CDH4: variants seen among roughly 807,000 people sequenced by gnomAD.
CDH4 encodes the protein cadherin-4.
In CDH4, 33 loss-of-function variants were observed where a neutral mutation model predicts 86.0. The ratio of observed to expected loss-of-function variants is 0.38; its 90% CI spans 0.29 to 0.51. CDH4 has a LOEUF of 0.51. CDH4 is among the 20% of genes least tolerant of loss of function. CDH4 has a pLI of 0.86. For synonymous variants in CDH4, 555 were observed against 549.4 expected, an observed-to-expected ratio of 1.01 and a Z score of -0.14; for missense variants, 1,114 against 1,307.4, an observed-to-expected ratio of 0.85 and a Z score of 2.28.
intron 8 of CDH4, 87 bp from the exon 9 acceptor site, chr20:61,910,335 G>A (rs540203825): frequency 6.7e-5 from 79 of 1,181,124 alleles, no homozygotes; most frequent in African/African-American, 4.3e-4. Context: ...GTGAACACTC[G>A]TTGAGCTGCA....
At chr20:61,935,795 A>G (rs546016406) in intron 15 of CDH4, among the ~76,000 whole-genome samples, 19 of 152,334 alleles carry the variant, frequency 1.2e-4, no homozygotes, top group African/African-American at 4.6e-4. Flanking sequence ...CTGAGACAGG[A>G]GAATCGCTTG....
chr20:61,667,340 C>T (rs2087337847), intron 2 of CDH4, among the ~76,000 whole-genome samples: 1 of 152,246 alleles, frequency 6.6e-6, no homozygotes, highest in Non-Finnish European at 1.5e-5. Context: ...TTTCTATGCA[C>T]ACCATCCTCA....
At chr20:61,262,241 G>C (rs2084131935) in intron 2 of CDH4, among the ~76,000 whole-genome samples, 1 of 152,216 alleles carries the variant, frequency 6.6e-6, no homozygotes, top group Non-Finnish European at 1.5e-5. Context: ...CTGATGCCGT[G>C]AGAGCTGGTC....
intron 2 of CDH4, among the ~76,000 whole-genome samples, chr20:61,319,267 C>G (rs2084495013): frequency 6.6e-6 from 1 of 151,982 alleles, no homozygotes; most frequent in African/African-American, 2.4e-5. Context: ...GAAACTGAGG[C>G]TCAGGAAGGT....
intron 2 of CDH4, among the ~76,000 whole-genome samples, chr20:61,601,748 A>G (rs1010406692): frequency 1.4e-4 from 21 of 152,216 alleles, no homozygotes; most frequent in Admixed American, 9.2e-4. Context: ...GTCTGTGCAG[A>G]GGAGATGGAT....
intron 2 of CDH4, among the ~76,000 whole-genome samples, chr20:61,294,707 G>A (rs2084342498): frequency 6.6e-6 from 1 of 152,220 alleles, no homozygotes; most frequent in Non-Finnish European, 1.5e-5. Flanking sequence ...GTGAGATGTG[G>A]GCATTGATGT....
intron 6 of CDH4, among the ~76,000 whole-genome samples, chr20:61,866,342 C>T (rs148036099): frequency 4.8e-4 from 73 of 152,280 alleles, no homozygotes; most frequent in East Asian, 2.9e-3. Flanking sequence ...TTAGGATAAA[C>T]TCCTAGCAGT....
At chr20:61,253,438 G>T (rs1369194525) in intron 1 of CDH4, among the ~76,000 whole-genome samples, 1 of 152,100 alleles carries the variant, frequency 6.6e-6, no homozygotes, top group Non-Finnish European at 1.5e-5. Context: ...GGCGGCGGGA[G>T]TTGCAGGAAC....
At chr20:61,675,929 G>A (rs1326799938) in intron 2 of CDH4, among the ~76,000 whole-genome samples, 1 of 152,254 alleles carries the variant, frequency 6.6e-6, no homozygotes, top group Non-Finnish European at 1.5e-5. Flanking sequence ...CACTGTGGAG[G>A]GTTGCTCTAC....
intron 2 of CDH4, among the ~76,000 whole-genome samples, chr20:61,662,277 C>G (rs56271746): frequency 0.48 from 73,639 of 152,118 alleles, 18,606 homozygotes; most frequent in African/African-American, 0.58. Flanking sequence ...TGGGAATGGC[C>G]GTGGCAGAGG....
intron 2 of CDH4, among the ~76,000 whole-genome samples, chr20:61,280,786 A>G (rs1244249206): frequency 1.3e-5 from 2 of 152,152 alleles, no homozygotes; most frequent in African/African-American, 4.8e-5. Context: ...AGCGCCGGCC[A>G]CAGCGGCCTC....
chr20:61,779,058 G>A (rs1403047234), intron 4 of CDH4, among the ~76,000 whole-genome samples: 1 of 152,236 alleles, frequency 6.6e-6, no homozygotes, highest in Non-Finnish European at 1.5e-5. Context: ...CATTCTTAAA[G>A]GGTTTTAAAA....
chr20:61,904,406 C>G (rs2054765699), intron 8 of CDH4, among the ~76,000 whole-genome samples: 3 of 152,142 alleles, frequency 2.0e-5, no homozygotes, highest in South Asian at 4.1e-4. Context: ...CAGCTTCTCC[C>G]TCTTCCGTCT....
intron 2 of CDH4, among the ~76,000 whole-genome samples, chr20:61,432,879 C>T (rs1184211824): frequency 1.4e-5 from 2 of 140,290 alleles, no homozygotes; most frequent in African/African-American, 5.4e-5. Flanking sequence ...TGCTCTGTTG[C>T]CCAGGCTAGA....
chr20:61,733,439 T>TC, intron 2 of CDH4, among the ~76,000 whole-genome samples: 1 of 152,162 alleles, frequency 6.6e-6, no homozygotes, highest in African/African-American at 2.4e-5. Context: ...CTGGGTCTGC[T>TC]CCCCCGGTCA....
At chr20:61,856,257 G>A (rs981218016) in intron 6 of CDH4, among the ~76,000 whole-genome samples, 9 of 152,192 alleles carry the variant, frequency 5.9e-5, no homozygotes, top group African/African-American at 1.9e-4. Context: ...CAAATGGAAA[G>A]ATGGGTTAAA....
At chr20:61,566,547 A>G (rs944777370) in intron 2 of CDH4, among the ~76,000 whole-genome samples, 3 of 152,166 alleles carry the variant, frequency 2.0e-5, no homozygotes, top group East Asian at 1.9e-4. Context: ...GGCCCCGCAC[A>G]TGGACATGGG....
intron 4 of CDH4, among the ~76,000 whole-genome samples, chr20:61,843,047 A>G (rs1260677142): frequency 6.6e-6 from 1 of 152,206 alleles, no homozygotes; most frequent in African/African-American, 2.4e-5. Context: ...CAGTTTTGTT[A>G]TTAACTTTTA....
intron 9 of CDH4, among the ~76,000 whole-genome samples, chr20:61,912,953 A>T (rs981192490): frequency 5.9e-5 from 9 of 152,310 alleles, no homozygotes; most frequent in African/African-American, 1.4e-4. Flanking sequence ...TGGGAAGGTG[A>T]TGGAGACTGG....
Sources: allele counts gnomAD v4.1 joint callset (sites outside exome capture counted in the v4.1 genomes callset), GRCh38; gene constraint gnomAD v4.1.1; transcripts MANE v1.5; gene names NCBI Gene and HGNC (gene_info 2026-07-23, HGNC 2026-07-21).